XPO4: variants seen among roughly 807,000 people sequenced by gnomAD.
The protein encoded by XPO4 is exportin 4.
XPO4 carries 39 observed loss-of-function variants against 143.0 expected under a neutral mutation model. The observed-to-expected ratio is 0.27, with a 90% CI of 0.21 to 0.36. XPO4 has a LOEUF of 0.36. XPO4 is among the 10% of genes least tolerant of loss of function. The probability of loss-of-function intolerance (pLI) is 1.00; values close to 1 mark genes in which losing one functional copy is unlikely to be tolerated. For missense variants in XPO4, 907 were observed against 1,348.0 expected (o/e 0.67, Z 5.12); for synonymous variants, 439 against 474.0 (o/e 0.93, Z 0.96).
At chr13:20,877,733 AC>A (rs1221747734) in intron 1 of XPO4, among the ~76,000 whole-genome samples, 1 of 152,196 alleles carries the variant, frequency 6.6e-6, no homozygotes, top group African/African-American at 2.4e-5. Flanking sequence ...CCTAATCCAA[AC>A]AAATATGCAA....
chr13:20,861,712 C>T (rs2060200182), intron 3 of XPO4, among the ~76,000 whole-genome samples: 1 of 151,374 alleles, frequency 6.6e-6, no homozygotes, highest in African/African-American at 2.4e-5. Context: ...CAAAACTCAT[C>T]CTATTTTCAA....
At chr13:20,791,695 A>G (rs1377899502) in intron 18 of XPO4, among the ~76,000 whole-genome samples, 1 of 152,218 alleles carries the variant, frequency 6.6e-6, no homozygotes, top group Admixed American at 6.5e-5. Context: ...AATAACAAAA[A>G]CAGAAATTCC....
chr13:20,870,083 G>C (rs1482926514), intron 1 of XPO4, among the ~76,000 whole-genome samples: 1 of 86,508 alleles, frequency 1.2e-5, no homozygotes, highest in African/African-American at 5.0e-5. Flanking sequence ...CTGGGTGAAG[G>C]AGTCTCAAAA....
intron 18 of XPO4, among the ~76,000 whole-genome samples, chr13:20,794,817 A>G (rs1191298586): frequency 6.6e-6 from 1 of 152,148 alleles, no homozygotes; most frequent in African/African-American, 2.4e-5. Flanking sequence ...AACTTGGGTG[A>G]AAGGCTGGGC....
chr13:20,858,585 A>G (rs931039197), intron 3 of XPO4, among the ~76,000 whole-genome samples: 3 of 152,064 alleles, frequency 2.0e-5, no homozygotes, highest in African/African-American at 7.2e-5. Context: ...AAAAATATGT[A>G]TGTAAGCCAG....
chr13:20,895,008 T>C (rs1267693275), intron 1 of XPO4, among the ~76,000 whole-genome samples: 1 of 151,862 alleles, frequency 6.6e-6, no homozygotes, highest in Non-Finnish European at 1.5e-5. Context: ...TAAAATACTG[T>C]CTCTACTAAA....
At chr13:20,887,878 A>G (rs2060475500) in intron 1 of XPO4, among the ~76,000 whole-genome samples, 1 of 149,480 alleles carries the variant, frequency 6.7e-6, no homozygotes, top group Non-Finnish European at 1.5e-5. Flanking sequence ...AAGGAAAAGA[A>G]AAAAAAAAGA....
At chr13:20,852,737 A>T (rs1246941651) in intron 4 of XPO4, 1 of 981,618 alleles carries the variant, frequency 1.0e-6, no homozygotes, top group Non-Finnish European at 1.2e-6. Context: ...TACATATATT[A>T]AAAAAGACTA....
At chr13:20,858,609 T>A (rs140131004) in intron 3 of XPO4, among the ~76,000 whole-genome samples, 1 of 152,082 alleles carries the variant, frequency 6.6e-6, no homozygotes, top group African/African-American at 2.4e-5. Context: ...TGGTGGCTCA[T>A]GCCTGTAATC....
At chr13:20,805,027 C>T (rs1458516365) in intron 13 of XPO4, among the ~76,000 whole-genome samples, 4 of 152,038 alleles carry the variant, frequency 2.6e-5, no homozygotes, top group Non-Finnish European at 5.9e-5. Context: ...TCACTGCAAC[C>T]TCTGCCTCCG....
intron 1 of XPO4, among the ~76,000 whole-genome samples, chr13:20,901,571 T>C (rs888822917): frequency 2.6e-5 from 4 of 152,254 alleles, no homozygotes; most frequent in African/African-American, 9.6e-5. Context: ...ATTAAGTTAA[T>C]ATTCATAATG....
At chr13:20,811,288 C>CTTTTTTTT (rs769614867) in intron 9 of XPO4, among the ~76,000 whole-genome samples, 1 of 136,722 alleles carries the variant, frequency 7.3e-6, no homozygotes, top group African/African-American at 2.7e-5. Flanking sequence ...ATGCTTTTTT[C>CTTTTTTTT]TTTTTTTTTT....
chr13:20,843,318 T>C (rs1262392961), intron 5 of XPO4, among the ~76,000 whole-genome samples: 1 of 152,184 alleles, frequency 6.6e-6, no homozygotes, highest in Non-Finnish European at 1.5e-5. Context: ...GAGGAGTCAG[T>C]TGCTATAGTG....
At chr13:20,893,103 T>C (rs1405099110) in intron 1 of XPO4, among the ~76,000 whole-genome samples, 1 of 151,996 alleles carries the variant, frequency 6.6e-6, no homozygotes, top group Non-Finnish European at 1.5e-5. Context: ...GCAAAAAAGC[T>C]AGTGTGGCTG....
chr13:20,901,051 C>G (rs1269395322), intron 1 of XPO4, among the ~76,000 whole-genome samples: 1 of 152,178 alleles, frequency 6.6e-6, no homozygotes, highest in Non-Finnish European at 1.5e-5. Flanking sequence ...TAGAGCCAGA[C>G]AGAACTGAGT....
chr13:20,810,257 TA>T (rs972530628), intron 9 of XPO4, among the ~76,000 whole-genome samples: 55 of 151,270 alleles, frequency 3.6e-4, no homozygotes, highest in African/African-American at 9.7e-4. Flanking sequence ...ATTGTTAAAA[TA>T]AAAAAAAATG....
At chr13:20,853,572 T>C (rs925727543) in intron 4 of XPO4, among the ~76,000 whole-genome samples, 10 of 152,128 alleles carry the variant, frequency 6.6e-5, no homozygotes, top group Non-Finnish European at 1.2e-4. Context: ...TATTCCCACT[T>C]CATAAAATCA....
At chr13:20,866,983 G>C (rs1310820859) in intron 2 of XPO4, among the ~76,000 whole-genome samples, 1 of 152,180 alleles carries the variant, frequency 6.6e-6, no homozygotes, top group Non-Finnish European at 1.5e-5. Context: ...ATGAAAACCA[G>C]ACTCAAATTA....
chr13:20,889,238 G>C (rs1350716528), intron 1 of XPO4, among the ~76,000 whole-genome samples: 1 of 152,184 alleles, frequency 6.6e-6, no homozygotes, highest in African/African-American at 2.4e-5. Flanking sequence ...TGTGCGCATG[G>C]CTAGTAATTA....
Sources: allele counts gnomAD v4.1 joint callset (sites outside exome capture counted in the v4.1 genomes callset), GRCh38; gene constraint gnomAD v4.1.1; transcripts MANE v1.5; gene names NCBI Gene and HGNC (gene_info 2026-07-23, HGNC 2026-07-21).